Variants in COL12A1 observed in about 807,000 individuals in gnomAD.
COL12A1 encodes the protein collagen type XII alpha 1 chain, also known as collagen alpha-1(XII) chain.
In COL12A1, 114 loss-of-function variants were observed where a neutral mutation model predicts 349.7. The observed-to-expected ratio is 0.33, with a 90% CI of 0.28 to 0.38. The LOEUF (loss-of-function observed/expected upper bound fraction) is 0.38, where lower values mean the gene tolerates loss of function less well. Among genes scored for constraint, COL12A1 ranks in the 10% least tolerant of loss-of-function variants. COL12A1 has a pLI of 1.00. For synonymous variants in COL12A1, 1,369 were observed against 1,329.0 expected, an observed-to-expected ratio of 1.03 and a Z score of -0.66; for missense variants, 3,284 against 3,756.9, an observed-to-expected ratio of 0.87 and a Z score of 3.29.
At position 75,183,179 on chromosome 6, in the gene COL12A1, C is replaced by A. The variant is rs2149465606; in HGVS notation, c.1762G>T (p.Ala588Ser). ...ACATGGGTCTCTGCAGGAGGAGAGG[C>A]AATAGCTTCCAATTCTGAGCGAACG... is the stretch of plus-strand genomic sequence containing the variant. Reference protein sequence around the residue: ...DAVRSELEAIASPPAETHVFT... With the variant: ...DAVRSELEAISSPPAETHVFT... The change falls in exon 10 of 66, where the codon GCC becomes TCC. Residue 588 changes from alanine (A) to serine (S), a missense_variant. Coordinates refer to ENST00000322507, the MANE Select transcript of COL12A1 (RefSeq NM_004370.6). The A allele has an allele frequency of 6.2e-7, 1 of 1,614,140 alleles. No homozygotes were observed. The highest frequency in any genetic ancestry group is 1.3e-5 in the African/African-American group (1 of 75,052).
At chr6:75,109,276 T>A in intron 51 of COL12A1, 109 bp from the exon 52 acceptor site, 1 of 715,872 alleles carries the variant, frequency 1.4e-6, no homozygotes, top group Non-Finnish European at 2.1e-6. Flanking sequence ...ATTCTCATCC[T>A]AAATCAAAAG....
chr6:75,154,361 A>G, intron 17 of COL12A1, 55 bp downstream of exon 17: 1 of 1,583,534 alleles, frequency 6.3e-7, no homozygotes, highest in Non-Finnish European at 8.6e-7. Flanking sequence ...AACAGTTCAC[A>G]TTTGAAATAG....
chr6:75,155,875 T>C (rs1767729997), intron 15 of COL12A1, 21 bp from the exon 16 acceptor site: 1 of 1,574,200 alleles, frequency 6.4e-7, no homozygotes, highest in African/African-American at 1.4e-5. Flanking sequence ...AAAAAGATTT[T>C]TAAAATATTA....
chr6:75,113,542 G>T, intron 50 of COL12A1, 60 bp downstream of exon 50: 1 of 1,503,836 alleles, frequency 6.6e-7, no homozygotes, highest in Non-Finnish European at 8.9e-7. Flanking sequence ...TTTTTTAAAA[G>T]AGAAAAGAAA....
Position 75,091,382 on chromosome 6 carries a change from A to T in COL12A1, c.8693T>A (p.Ile2898Asn). The change falls in exon 62 of 66, where the codon ATT becomes AAT. Residue 2898 changes from isoleucine to asparagine, a missense_variant. This residue lies in a region of COL12A1 where 683 missense variants were observed against 932.1 expected (regional missense o/e 0.73). Coordinates refer to ENST00000322507, the MANE Select transcript of COL12A1 (RefSeq NM_004370.6). ...LKGEKGDRGD[I>N]ASQNMMRAVA... ...TGCTCGCATCATGTTCTGGGAAGCA[A>T]TGTCTCCCTTGTTGAATTAATGAGA... 6.2e-7 allele frequency: 1 copy of T among 1,613,844 alleles called. No individual in the cohort carries two copies. Among genetic ancestry groups the T allele is most frequent in the Non-Finnish European group, 8.5e-7 (1 of 1,179,902 alleles).
In COL12A1 at chr6:75,097,245, G is replaced by A. The variant is rs760925606; in HGVS notation, c.8577+8C>T. On this transcript the variant is annotated splice_region_variant and intron_variant, in intron 59 of 65. Coordinates refer to ENST00000322507, the MANE Select transcript of COL12A1 (RefSeq NM_004370.6). ...AGGGCACAAAAATGAGACACATTTAGTTCTTACCGGCGGCCCTGGTGGGCC... is the reference window on the plus strand; with the variant it reads ...AGGGCACAAAAATGAGACACATTTAATTCTTACCGGCGGCCCTGGTGGGCC... 23 of 1,613,274 alleles carry A rather than the reference G, an allele frequency of 1.4e-5. No individual in the cohort carries two copies. The highest frequency in any genetic ancestry group is 1.3e-4 in the South Asian group (12 of 90,992).
In COL12A1 at chr6:75,185,051, G is replaced by A. The variant is rs527658894; in HGVS notation, c.998-907C>T. Among the ~76,000 whole-genome samples, 432 of 152,318 alleles carry A rather than the reference G, an allele frequency of 2.8e-3. 2 individuals carry two copies. Among genetic ancestry groups the A allele is most frequent in the Non-Finnish European group, 3.7e-3 (255 of 68,020 alleles). On this transcript the variant is annotated intron_variant, in intron 8 of 65. Coordinates refer to ENST00000322507, the MANE Select transcript of COL12A1 (RefSeq NM_004370.6). ...GGCAAAAGCTGGAAGCATTTCACTT[G>A]AAAACCAGCACAAGATGAGGTTGCC...
Position 75,089,120 on chromosome 6 carries a change from A to G in COL12A1, c.8996T>C (p.Leu2999Pro). 6.2e-7 allele frequency: 1 copy of G among 1,610,890 alleles called. No individual in the cohort carries two copies. Among genetic ancestry groups the G allele is most frequent in the Non-Finnish European group, 8.5e-7 (1 of 1,178,620 alleles). The change falls in exon 64 of 66, where the codon CTG becomes CCG. Residue 2999 changes from leucine (L) to proline (P), a missense_variant. Physicochemically the swap from Leu to Pro is moderately conservative, Grantham distance 98. Coordinates refer to ENST00000322507, the MANE Select transcript of COL12A1 (RefSeq NM_004370.6). ...AGCAAACCTACCTGGGGGGCCAGGC[A>G]GCCCCCGAGGTCCTGAAGATCCAGT... ...RGTGSSGPRG[L>P]PGPPGPQGES...
chr6:75,151,548 T>G (rs1362199295), intron 20 of COL12A1, among the ~76,000 whole-genome samples: 1 of 152,166 alleles, frequency 6.6e-6, no homozygotes, highest in Non-Finnish European at 1.5e-5. Flanking sequence ...CTCTCTTCAG[T>G]GTTTTTTCTG....
chr6:75,182,932 T>C lies in COL12A1; in HGVS notation c.1891+118A>G, dbSNP rs1387137604. 47 of 1,254,150 alleles carry C rather than the reference T, an allele frequency of 3.7e-5. 1 individual carries two copies. The Middle Eastern group carries it at 1.1e-3, about 29-fold the overall frequency. The allele number at this position is 1,254,150 out of a possible 1,614,324, so 77.7% of individuals were successfully genotyped here. ...CTAAGTTCAATAGTTTTCAATAACA[T>C]AGGAAAGTTACTTTTTCGTGTCTAT... On this transcript the variant is annotated intron_variant, in intron 10 of 65. Coordinates refer to ENST00000322507, the MANE Select transcript of COL12A1 (RefSeq NM_004370.6).
At chr6:75,182,192 G>A (rs1225784159) in intron 10 of COL12A1, among the ~76,000 whole-genome samples, 1 of 152,132 alleles carries the variant, frequency 6.6e-6, no homozygotes, top group Non-Finnish European at 1.5e-5. Context: ...GTTTAGGAAG[G>A]CTTAATGAAA....
intron 27 of COL12A1, among the ~76,000 whole-genome samples, chr6:75,139,633 A>G (rs1052445000): frequency 2.6e-5 from 4 of 152,216 alleles, no homozygotes; most frequent in Admixed American, 6.5e-5. Flanking sequence ...GTGAATTCCA[A>G]TCTAGGAATA....
intron 52 of COL12A1, among the ~76,000 whole-genome samples, chr6:75,108,284 C>CA: frequency 6.6e-6 from 1 of 151,926 alleles, no homozygotes; most frequent in South Asian, 2.1e-4. Context: ...GACAGGGTCT[C>CA]ACTATGTTGC....
In COL12A1 at chr6:75,116,070, G is replaced by A; in HGVS notation, c.7520-13C>T. The stretch of plus-strand genomic sequence containing the variant: ...ATGAGAGGACAACCTGCAATGTACA[G>A]TGTTCTTTAAGTATGATTCACCAAC... On this transcript the variant is annotated splice_polypyrimidine_tract_variant and intron_variant, in intron 47 of 65. Transcript: ENST00000322507. The A allele has an allele frequency of 1.2e-6, 2 of 1,612,838 alleles. No individual in the cohort carries two copies. The highest frequency in any genetic ancestry group is 1.7e-4 in the Middle Eastern group (1 of 5,986).
Position 75,152,359 on chromosome 6 carries a change from T to A in COL12A1, c.3689A>T (p.Asp1230Val). 1 of 1,613,632 alleles carries A rather than the reference T, an allele frequency of 6.2e-7. No homozygotes were observed. Among genetic ancestry groups the A allele is most frequent in the Non-Finnish European group, 8.5e-7 (1 of 1,179,722 alleles). The change falls in exon 18 of 66, where the codon GAC becomes GTC. Residue 1230 changes from aspartate (D) to valine (V), a missense_variant. Physicochemically the swap from Asp to Val is radical, Grantham distance 152. Coordinates refer to ENST00000322507, the MANE Select transcript of COL12A1 (RefSeq NM_004370.6). ...AATTTGTACTCTTTTGGGGCCAATG[T>A]CAAAGACTTCCACAATACGAGAAAT... ...SFISRIVEVFDIGPKRVQIAL... is the reference protein window; with the variant it reads ...SFISRIVEVFVIGPKRVQIAL...
intron 60 of COL12A1, 54 bp downstream of exon 60, chr6:75,095,054 T>C: frequency 6.7e-7 from 1 of 1,495,590 alleles, no homozygotes; most frequent in South Asian, 1.1e-5. Flanking sequence ...CAGTTCTCAT[T>C]ATTTATTTCC....
Position 75,188,392 on chromosome 6 carries a change from G to T in COL12A1, c.967C>A (p.Gln323Lys). Residue 323 changes from glutamine to lysine, a missense_variant, in exon 8 of 66, where the codon CAA (glutamine) becomes AAA (lysine). This residue lies in a region of COL12A1 where 2,601 missense variants were observed against 2,824.8 expected (regional missense o/e 0.92). Coordinates refer to ENST00000322507, the MANE Select transcript of COL12A1 (RefSeq NM_004370.6). The stretch of plus-strand genomic sequence containing the variant: ...TCTCCACTAACCAATTCACCAAGTT[G>T]TTCATCAACACCTGAGCACACCTGG... ...ISQVCSGVDE[Q>K]LGELVSGEEV... The T allele has an allele frequency of 1.2e-6, 2 of 1,613,250 alleles. No individual in the cohort carries two copies. Among genetic ancestry groups the T allele is most frequent in the Non-Finnish European group, 1.7e-6 (2 of 1,179,582 alleles).
chr6:75,202,193 C>T (rs1770562740), intron 2 of COL12A1, among the ~76,000 whole-genome samples: 1 of 152,212 alleles, frequency 6.6e-6, no homozygotes, highest in South Asian at 2.1e-4. Context: ...CTCATCTGCC[C>T]GCACCGTCCG....
Position 75,085,153 on chromosome 6 carries a change from T to TC in COL12A1, c.*1393dup, listed in dbSNP as rs758448092. The stretch of plus-strand genomic sequence containing the variant: ...ACCTGTAAATGAGAATTTCAACACC[T>TC]CCCCCAAGCCTCGCGGCGCGGCGCG... On this transcript the variant is annotated 3_prime_UTR_variant, in exon 66 of 66. Transcript: ENST00000322507. The TC allele has an allele frequency of 1.6e-5, 7 of 449,334 alleles. No homozygotes were observed. The highest frequency in any genetic ancestry group is 1.1e-4 in the South Asian group (7 of 63,654). 27.8% of individuals were successfully genotyped at this position (449,334 alleles called of 1,614,324 possible).
Sources: allele counts gnomAD v4.1 joint callset (sites outside exome capture counted in the v4.1 genomes callset), GRCh38; gene constraint gnomAD v4.1.1; regional missense constraint gnomAD v4.1.1; transcripts MANE v1.5; gene names NCBI Gene and HGNC (gene_info 2026-07-23, HGNC 2026-07-21).